The following CNN3 variants were observed in gnomAD, a reference collection of about 807,000 sequenced individuals.
The protein encoded by CNN3 is calponin-3.
A neutral mutation model predicts 39.0 loss-of-function variants in CNN3; 11 were observed. That is an observed-to-expected ratio of 0.28 (90% confidence interval 0.18 to 0.47). The LOEUF is 0.47. CNN3 is among the 20% of genes least tolerant of loss of function. CNN3 has a pLI of 0.99. For missense variants in CNN3, 266 were observed against 403.4 expected (o/e 0.66, Z 2.92); for synonymous variants, 101 against 138.3 (o/e 0.73, Z 1.89).
chr1:94,903,060 T>C, intron 3 of CNN3, 62 bp downstream of exon 3: 1 of 1,216,970 alleles, frequency 8.2e-7, no homozygotes, highest in Admixed American at 2.8e-5. Context: ...AAACCTGAAA[T>C]CAAGTTTTCA....
intron 1 of CNN3, among the ~76,000 whole-genome samples, chr1:94,916,267 A>C (rs1466050191): frequency 6.6e-6 from 1 of 152,152 alleles, no homozygotes; most frequent in Non-Finnish European, 1.5e-5. Context: ...TTAGCCAGGC[A>C]TGGTGGTGCA....
chr1:94,909,078 TC>T (rs1260437235), intron 1 of CNN3, among the ~76,000 whole-genome samples: 9 of 151,950 alleles, frequency 5.9e-5, no homozygotes, highest in Admixed American at 5.9e-4. Context: ...AGCCAGGAGT[TC>T]CAGGTTGCAG....
intron 1 of CNN3, among the ~76,000 whole-genome samples, chr1:94,904,154 G>T (rs1166094768): frequency 6.6e-6 from 1 of 152,078 alleles, no homozygotes; most frequent in African/African-American, 2.4e-5. Context: ...CAGATTCTTA[G>T]TATCTAGAAT....
At chr1:94,914,159 C>T (rs944600599) in intron 1 of CNN3, among the ~76,000 whole-genome samples, 1 of 152,204 alleles carries the variant, frequency 6.6e-6, no homozygotes, top group Non-Finnish European at 1.5e-5. Flanking sequence ...AGCACTGTCT[C>T]TTCAGCAGGA....
rs1448967137 is a variant in CNN3, at chr1:94,897,402, A to G, written c.*340T>C. ...AAAAAAAAAAAAAAAAAAGTTTCCT[A>G]TTGTTTGAAAATACCAGTTTAATAT... On this transcript the variant is annotated 3_prime_UTR_variant, in exon 7 of 7. Transcript: ENST00000370206. The G allele has an allele frequency of 6.2e-6, 1 of 160,666 alleles. No individual in the cohort carries two copies. The highest frequency in any genetic ancestry group is 2.5e-5 in the African/African-American group (1 of 40,014). 10.0% of individuals were successfully genotyped at this position (160,666 alleles called of 1,614,324 possible).
chr1:94,914,155 G>A (rs1452369794), intron 1 of CNN3, among the ~76,000 whole-genome samples: 1 of 152,196 alleles, frequency 6.6e-6, no homozygotes, highest in African/African-American at 2.4e-5. Context: ...GTCAAGCACT[G>A]TCTCTTCAGC....
At chr1:94,904,545 G>C (rs191447134) in intron 1 of CNN3, among the ~76,000 whole-genome samples, 2 of 151,990 alleles carry the variant, frequency 1.3e-5, no homozygotes, top group Non-Finnish European at 2.9e-5. Context: ...TCAGGAGTTC[G>C]AGACTAGCCT....
At chr1:94,913,953 G>A (rs1240407069) in intron 1 of CNN3, among the ~76,000 whole-genome samples, 2 of 152,176 alleles carry the variant, frequency 1.3e-5, no homozygotes, top group Non-Finnish European at 2.9e-5. Context: ...GGCCAGCCGG[G>A]TCTTGAATTT....
intron 1 of CNN3, among the ~76,000 whole-genome samples, chr1:94,913,524 A>G (rs1306268559): frequency 6.6e-6 from 1 of 152,246 alleles, no homozygotes; most frequent in Non-Finnish European, 1.5e-5. Context: ...GGTAGGTTAA[A>G]CCACATCTGT....
At chr1:94,902,733 T>C (rs966296909) in intron 3 of CNN3, among the ~76,000 whole-genome samples, 3 of 152,178 alleles carry the variant, frequency 2.0e-5, no homozygotes, top group African/African-American at 4.8e-5. Context: ...TACACACTCA[T>C]GAACTAAGGT....
chr1:94,907,714 G>C (rs1015419242), intron 1 of CNN3, among the ~76,000 whole-genome samples: 3 of 152,136 alleles, frequency 2.0e-5, no homozygotes, highest in Non-Finnish European at 4.4e-5. Context: ...CAAAAAATTA[G>C]ACGGGTGTGG....
chr1:94,911,839 G>A (rs1440093603), intron 1 of CNN3, among the ~76,000 whole-genome samples: 1 of 152,198 alleles, frequency 6.6e-6, no homozygotes, highest in Non-Finnish European at 1.5e-5. Context: ...GGAGGCCGAG[G>A]CAGATGGATC....
chr1:94,900,029 C>T (rs1025538789), intron 5 of CNN3, among the ~76,000 whole-genome samples: 4 of 152,174 alleles, frequency 2.6e-5, no homozygotes, highest in African/African-American at 4.8e-5. Flanking sequence ...ATTCCTGTAA[C>T]TCCCATGTCC....
chr1:94,919,823 C>G (rs3789710), intron 1 of CNN3, among the ~76,000 whole-genome samples: 2 of 152,234 alleles, frequency 1.3e-5, no homozygotes, highest in East Asian at 3.9e-4. Context: ...GCCTTCCCAC[C>G]GCAGACACAG....
At position 94,898,108 on chromosome 1, in the gene CNN3, G is replaced by A. The variant is rs572695307; in HGVS notation, c.649-25C>T. ...CCTGGTATTAGAACATAGTATAAAAGTTAAAACAGCAGCTAGAATCTATTC... is the reference window on the plus strand; with the variant it reads ...CCTGGTATTAGAACATAGTATAAAAATTAAAACAGCAGCTAGAATCTATTC... On this transcript the variant is annotated intron_variant, in intron 6 of 6. Coordinates refer to ENST00000370206, the MANE Select transcript of CNN3 (RefSeq NM_001839.5). The A allele has an allele frequency of 7.5e-4, 1,184 of 1,577,822 alleles. 21 individuals carry two copies. The South Asian group carries it at 0.013, about 17-fold the overall frequency.
chr1:94,902,100 C>A, intron 4 of CNN3, 21 bp downstream of exon 4: 1 of 1,595,784 alleles, frequency 6.3e-7, no homozygotes, highest in Non-Finnish European at 8.6e-7. Flanking sequence ...TGTTAACCAG[C>A]CATTAAAGAC....
intron 1 of CNN3, among the ~76,000 whole-genome samples, chr1:94,909,803 T>C (rs1199871626): frequency 6.6e-6 from 1 of 151,862 alleles, no homozygotes; most frequent in Non-Finnish European, 1.5e-5. Context: ...AAAAGCTCGA[T>C]TCCTGCGCTG....
intron 1 of CNN3, among the ~76,000 whole-genome samples, chr1:94,908,550 TG>T (rs1350707916): frequency 1.3e-5 from 2 of 152,204 alleles, no homozygotes; most frequent in African/African-American, 2.4e-5. Context: ...GTTGTTTGTT[TG>T]TTTTTTTGAG....
At chr1:94,900,879 G>T (rs1473946983) in intron 5 of CNN3, among the ~76,000 whole-genome samples, 1 of 152,156 alleles carries the variant, frequency 6.6e-6, no homozygotes, top group Non-Finnish European at 1.5e-5. Flanking sequence ...TGGCATTAAG[G>T]TCGTGTAAAA....
Sources: gnomAD v4.1 joint callset for allele counts (sites outside exome capture counted in the v4.1 genomes callset) on GRCh38, gnomAD v4.1.1 for gene constraint, MANE v1.5 for transcripts, NCBI Gene and HGNC (gene_info 2026-07-23, HGNC 2026-07-21) for gene names.